The following RXFP2 variants were observed in gnomAD, a reference collection of about 807,000 sequenced individuals.
RXFP2 encodes relaxin family peptide receptor 2.
Under a neutral mutation model 88.6 loss-of-function variants are expected in RXFP2, and 68 were observed. That is an observed-to-expected ratio of 0.77 (90% CI 0.63 to 0.94). The LOEUF (loss-of-function observed/expected upper bound fraction) is 0.94, where lower values mean the gene tolerates loss of function less well. RXFP2 is among the 40% of genes least tolerant of loss of function. The pLI is 0.00. For synonymous variants in RXFP2, 329 were observed against 306.8 expected, an observed-to-expected ratio of 1.07 and a Z score of -0.76; for missense variants, 791 against 893.9, an observed-to-expected ratio of 0.88 and a Z score of 1.47.
intron 5 of RXFP2, among the ~76,000 whole-genome samples, chr13:31,772,998 C>T (rs1872789597): frequency 1.3e-5 from 2 of 152,110 alleles, no homozygotes; most frequent in Non-Finnish European, 2.9e-5. Flanking sequence ...TTAAGAGAAA[C>T]TTCAATATAC....
chr13:31,770,073 C>T (rs183982590), intron 5 of RXFP2, among the ~76,000 whole-genome samples: 443 of 152,280 alleles, frequency 2.9e-3, no homozygotes, highest in Non-Finnish European at 4.8e-3. Flanking sequence ...TTGATCAATG[C>T]CCAGTAGACA....
rs185746366 is a variant in RXFP2 at position 31,763,455 on chromosome 13, G to T, written c.320-1582G>T. On this transcript the variant is annotated intron_variant, in intron 3 of 17. Coordinates refer to ENST00000298386, the MANE Select transcript of RXFP2 (RefSeq NM_130806.5). ...CTGGCATCTAGTGGGTAGAGGCCAG[G>T]GCTACTGCTGAACATCCTACAATGC... 8.5e-5 allele frequency among the ~76,000 whole-genome samples: 13 copies of T among 152,134 alleles called. No homozygotes were observed. In the East Asian group the frequency reaches 2.3e-3, roughly 27 times the overall value.
At chr13:31,762,082 A>G (rs1872327980) in intron 3 of RXFP2, among the ~76,000 whole-genome samples, 2 of 152,220 alleles carry the variant, frequency 1.3e-5, no homozygotes, top group South Asian at 4.1e-4. Flanking sequence ...ACTTTTAACT[A>G]TTTTCTTCAA....
intron 3 of RXFP2, 125 bp downstream of exon 3, chr13:31,761,926 T>G: frequency 1.5e-6 from 1 of 663,820 alleles, no homozygotes; most frequent in Non-Finnish European, 2.8e-6. Flanking sequence ...TGTATTTCAC[T>G]GGCTAACAGG....
At chr13:31,752,279 C>T (rs912172296) in intron 1 of RXFP2, among the ~76,000 whole-genome samples, 2 of 151,956 alleles carry the variant, frequency 1.3e-5, no homozygotes, top group African/African-American at 2.4e-5. Flanking sequence ...TATTTTCTGC[C>T]CCCTCCCCCC....
intron 5 of RXFP2, among the ~76,000 whole-genome samples, chr13:31,767,917 A>G (rs1872607587): frequency 1.3e-5 from 2 of 152,108 alleles, no homozygotes. Context: ...GGGCGGAGTC[A>G]CTAGAGGCTC....
At chr13:31,784,848 C>A (rs893109668) in intron 11 of RXFP2, among the ~76,000 whole-genome samples, 11 of 152,296 alleles carry the variant, frequency 7.2e-5, no homozygotes, top group South Asian at 4.1e-4. Context: ...TTCAGCCAGA[C>A]CCTGAGCCCT....
intron 17 of RXFP2, among the ~76,000 whole-genome samples, chr13:31,799,810 A>T (rs1217754732): frequency 6.6e-6 from 1 of 152,144 alleles, no homozygotes; most frequent in Non-Finnish European, 1.5e-5. Context: ...GAAGTCCAAG[A>T]TCAAAGTGTC....
At chr13:31,754,824 A>G (rs1223851693) in intron 1 of RXFP2, among the ~76,000 whole-genome samples, 1 of 152,244 alleles carries the variant, frequency 6.6e-6, no homozygotes, top group East Asian at 1.9e-4. Context: ...AATAACATAA[A>G]GAAGTAGGGG....
At chr13:31,801,677 G>A (rs765318304) in intron 17 of RXFP2, among the ~76,000 whole-genome samples, 18 of 152,162 alleles carry the variant, frequency 1.2e-4, no homozygotes, top group Non-Finnish European at 2.6e-4. Context: ...CTTTTAATAG[G>A]ATAACAGGAT....
rs1872075846 is a variant in RXFP2, at chr13:31,758,401, T to G, written c.238T>G (p.Cys80Gly). 1 of 1,613,982 alleles carries G rather than the reference T, an allele frequency of 6.2e-7. No homozygotes were observed. The highest frequency in any genetic ancestry group is 1.3e-5 in the African/African-American group (1 of 74,924). ...DCGNGADEEN[C>G]GDTSGWATIF... ...TGGGAACGGGGCGGACGAAGAGAACTGTGGTGAGTGCTCCCCTCGGCTCCC... is the reference window on the plus strand; with the variant it reads ...TGGGAACGGGGCGGACGAAGAGAACGGTGGTGAGTGCTCCCCTCGGCTCCC... The change falls in exon 2 of 18, where the codon TGT becomes GGT. Residue 80 changes from cysteine (C) to glycine (G), a missense_variant. Transcript: ENST00000298386.
At chr13:31,758,749 G>A (rs180805813) in intron 2 of RXFP2, among the ~76,000 whole-genome samples, 96 of 152,072 alleles carry the variant, frequency 6.3e-4, no homozygotes, top group African/African-American at 2.3e-3. Flanking sequence ...AAGAATATTC[G>A]TAAAGTGGCT....
At chr13:31,763,745 G>C (rs1232286750) in intron 3 of RXFP2, among the ~76,000 whole-genome samples, 1 of 152,126 alleles carries the variant, frequency 6.6e-6, no homozygotes, top group East Asian at 1.9e-4. Context: ...AGCACACCCA[G>C]CTTGACCATA....
chr13:31,778,769 T>C (rs903323512), intron 9 of RXFP2, among the ~76,000 whole-genome samples, 186 bp downstream of exon 9: 2 of 152,134 alleles, frequency 1.3e-5, no homozygotes, highest in East Asian at 1.9e-4. Flanking sequence ...AGTTTGACCT[T>C]CCCTTTGAGC....
intron 7 of RXFP2, among the ~76,000 whole-genome samples, chr13:31,776,013 C>T (rs897236497): frequency 7.2e-5 from 11 of 152,194 alleles, no homozygotes; most frequent in Admixed American, 6.5e-4. Flanking sequence ...GCCCTTAGCC[C>T]CATGCTTAGC....
In RXFP2 at chr13:31,777,370, T is replaced by C. The variant is rs747717179; in HGVS notation, c.642-6T>C. 6.2e-7 allele frequency: 1 copy of C among 1,601,706 alleles called. No homozygotes were observed. The highest frequency in any genetic ancestry group is 1.1e-5 in the South Asian group (1 of 90,494). The stretch of plus-strand genomic sequence containing the variant: ...ATTGGAAATGTTTCTTGATACATTT[T>C]GTCAGAATTCTAGATGACAATCCAA... On this transcript the variant is annotated splice_region_variant and splice_polypyrimidine_tract_variant and intron_variant, in intron 7 of 17. Coordinates refer to ENST00000298386, the MANE Select transcript of RXFP2 (RefSeq NM_130806.5).
intron 11 of RXFP2, among the ~76,000 whole-genome samples, chr13:31,785,925 TG>T (rs1197132737): frequency 6.6e-6 from 1 of 152,214 alleles, no homozygotes; most frequent in African/African-American, 2.4e-5. Flanking sequence ...CAAGATTATC[TG>T]GGCAGATACT....
chr13:31,790,785 G>A (rs969751048), intron 14 of RXFP2, among the ~76,000 whole-genome samples: 1 of 152,158 alleles, frequency 6.6e-6, no homozygotes, highest in African/African-American at 2.4e-5. Flanking sequence ...AGTGACATTT[G>A]AGCAGACCTG....
chr13:31,752,984 T>C (rs1442522784), intron 1 of RXFP2, among the ~76,000 whole-genome samples: 4 of 152,208 alleles, frequency 2.6e-5, no homozygotes, highest in Non-Finnish European at 5.9e-5. Flanking sequence ...GCAATTTCTA[T>C]AGCCCCTCTG....
Sources: gnomAD v4.1 joint callset for allele counts (sites outside exome capture counted in the v4.1 genomes callset) on GRCh38, gnomAD v4.1.1 for gene constraint, MANE v1.5 for transcripts, NCBI Gene and HGNC (gene_info 2026-07-23, HGNC 2026-07-21) for gene names.